The following RBFOX1 variants were observed in gnomAD, a reference collection of about 807,000 sequenced individuals.
RBFOX1 encodes RNA binding fox-1 homolog 1.
In RBFOX1, 8 loss-of-function variants were observed where a neutral mutation model predicts 57.7. The ratio of observed to expected loss-of-function variants is 0.14; its 90% CI spans 0.08 to 0.25. RBFOX1 has a LOEUF of 0.25. Ranked by LOEUF, RBFOX1 falls within the 10% of genes least tolerant of loss-of-function variation. The pLI, the probability that RBFOX1 is intolerant of heterozygous loss-of-function variation, is 1.00. For missense variants in RBFOX1, 611 were observed against 548.5 expected (o/e 1.11, Z -1.14); for synonymous variants, 326 against 222.4 (o/e 1.47, Z -4.15).
intron 1 of RBFOX1, among the ~76,000 whole-genome samples, chr16:5,267,081 T>C (rs80327836): frequency 1.4e-5 from 2 of 147,774 alleles, no homozygotes; most frequent in African/African-American, 2.5e-5. Flanking sequence ...GAGAGGAGTG[T>C]GTTGTGTACA....
chr16:7,410,014 C>G (rs150678797), intron 4 of RBFOX1, among the ~76,000 whole-genome samples: 2 of 152,118 alleles, frequency 1.3e-5, no homozygotes, highest in Non-Finnish European at 2.9e-5. Flanking sequence ...GGCTGCAATA[C>G]CAGGGTCCCT....
At chr16:6,560,032 C>T (rs1218634021) in intron 2 of RBFOX1, among the ~76,000 whole-genome samples, 1 of 152,124 alleles carries the variant, frequency 6.6e-6, no homozygotes, top group Non-Finnish European at 1.5e-5. Flanking sequence ...TCACTTACTA[C>T]CTATGCTAAA....
intron 4 of RBFOX1, among the ~76,000 whole-genome samples, chr16:5,873,084 A>G (rs2057515542): frequency 6.6e-6 from 1 of 152,178 alleles, no homozygotes; most frequent in African/African-American, 2.4e-5. Context: ...CAGGAGGCAG[A>G]GGTTGCAGTG....
intron 3 of RBFOX1, among the ~76,000 whole-genome samples, chr16:5,801,127 C>A (rs917557778): frequency 2.6e-5 from 4 of 152,108 alleles, no homozygotes; most frequent in Admixed American, 6.5e-5. Flanking sequence ...AGTTCCTGGG[C>A]GCATGTGTGA....
At chr16:6,233,099 G>C (rs569743915) in intron 1 of RBFOX1, among the ~76,000 whole-genome samples, 4 of 152,280 alleles carry the variant, frequency 2.6e-5, no homozygotes, top group South Asian at 4.1e-4. Flanking sequence ...AGGGCCAGCT[G>C]CTGGGTGAGA....
At chr16:6,388,621 C>G (rs1348208465) in intron 2 of RBFOX1, among the ~76,000 whole-genome samples, 1 of 152,120 alleles carries the variant, frequency 6.6e-6, no homozygotes, top group Admixed American at 6.5e-5. Flanking sequence ...CCACCAGTAA[C>G]CTCAGCACTT....
chr16:5,633,929 C>T (rs4786742), intron 3 of RBFOX1, among the ~76,000 whole-genome samples: 147,607 of 152,002 alleles, frequency 0.97, 71,683 homozygotes, highest in East Asian at 1. Context: ...AACAAACATA[C>T]GAAAAAATGC....
chr16:5,710,739 A>G (rs1193633795), intron 3 of RBFOX1, among the ~76,000 whole-genome samples: 1 of 152,126 alleles, frequency 6.6e-6, no homozygotes. Flanking sequence ...CTGAAGCAAC[A>G]TGGAGCCTAT....
intron 4 of RBFOX1, among the ~76,000 whole-genome samples, chr16:7,514,041 A>G (rs569798619): frequency 1.2e-3 from 186 of 152,234 alleles, no homozygotes; most frequent in Non-Finnish European, 2.4e-3. Flanking sequence ...TACTTATGCA[A>G]TAATGGCTTC....
At chr16:7,005,168 C>T (rs1357871553) in intron 3 of RBFOX1, among the ~76,000 whole-genome samples, 1 of 150,958 alleles carries the variant, frequency 6.6e-6, no homozygotes, top group Non-Finnish European at 1.5e-5. Flanking sequence ...GAAAAAAAAC[C>T]CAAAACTAAA....
chr16:6,915,683 T>C (rs2072979539), intron 3 of RBFOX1, among the ~76,000 whole-genome samples: 1 of 151,884 alleles, frequency 6.6e-6, no homozygotes, highest in South Asian at 2.1e-4. Flanking sequence ...TCAGAGTAGC[T>C]GTGAGTACAG....
At chr16:6,791,795 A>G (rs867061938) in intron 3 of RBFOX1, among the ~76,000 whole-genome samples, 3 of 152,244 alleles carry the variant, frequency 2.0e-5, no homozygotes, top group South Asian at 4.2e-4. Flanking sequence ...GGACCCTTTG[A>G]GTGGCATCCC....
intron 1 of RBFOX1, among the ~76,000 whole-genome samples, chr16:6,059,958 A>G (rs965225504): frequency 2.0e-5 from 3 of 152,116 alleles, no homozygotes; most frequent in African/African-American, 7.2e-5. Context: ...TTACAGATGA[A>G]GGACATTCTG....
intron 1 of RBFOX1, among the ~76,000 whole-genome samples, chr16:6,029,311 A>T (rs115944531): frequency 6.6e-6 from 1 of 152,222 alleles, no homozygotes; most frequent in Non-Finnish European, 1.5e-5. Flanking sequence ...ACCCCATTCT[A>T]TAAACTTATT....
intron 1 of RBFOX1, among the ~76,000 whole-genome samples, chr16:6,183,815 G>A (rs2097086378): frequency 6.6e-6 from 1 of 152,164 alleles, no homozygotes; most frequent in Admixed American, 6.5e-5. Flanking sequence ...GTTAGCTGGG[G>A]TAGAAGCTAG....
chr16:6,653,213 C>G (rs752169276), intron 2 of RBFOX1, among the ~76,000 whole-genome samples: 14 of 152,118 alleles, frequency 9.2e-5, no homozygotes, highest in Non-Finnish European at 1.8e-4. Context: ...CATCGTATTC[C>G]CCTACCCTCA....
rs550709851 is a variant in RBFOX1, at chr16:7,027,426, C to G, written c.-15-24631C>G. Among the ~76,000 whole-genome samples, 4 of 152,242 alleles carry G rather than the reference C, an allele frequency of 2.6e-5. No individual in the cohort carries two copies. In the South Asian group the frequency reaches 8.3e-4, roughly 32 times the overall value. ...TGTAAGTTAGACACCCTTAACATCT[C>G]CTTTTTTCAGGTGGAATAGGAGAGG... On this transcript the variant is annotated intron_variant, in intron 3 of 15. Transcript: ENST00000550418.
intron 1 of RBFOX1, among the ~76,000 whole-genome samples, chr16:6,284,808 G>T (rs900645220): frequency 6.6e-6 from 1 of 152,082 alleles, no homozygotes; most frequent in African/African-American, 2.4e-5. Flanking sequence ...TTGTCTTAGA[G>T]GTATTGTGAC....
chr16:5,292,020 A>C (rs1163024063), intron 1 of RBFOX1, among the ~76,000 whole-genome samples: 1 of 151,966 alleles, frequency 6.6e-6, no homozygotes, highest in Non-Finnish European at 1.5e-5. Context: ...AACAGCCAAC[A>C]ACTCCTCCTT....
Sources: gnomAD v4.1 joint callset for allele counts (sites outside exome capture counted in the v4.1 genomes callset) on GRCh38, gnomAD v4.1.1 for gene constraint, MANE v1.5 for transcripts, NCBI Gene and HGNC (gene_info 2026-07-23, HGNC 2026-07-21) for gene names.